The following ARFGAP1 variants were observed in gnomAD, a reference collection of about 807,000 sequenced individuals.
ARFGAP1 encodes ADP-ribosylation factor GTPase-activating protein 1.
Under a neutral mutation model 54.0 loss-of-function variants are expected in ARFGAP1, and 26 were observed. That is an observed-to-expected ratio of 0.48 (90% CI 0.35 to 0.67). The LOEUF (loss-of-function observed/expected upper bound fraction) is 0.67, where lower values mean the gene tolerates loss of function less well. Ranked by LOEUF, ARFGAP1 falls within the 30% of genes least tolerant of loss-of-function variation. ARFGAP1 has a pLI of 0.00. For missense variants in ARFGAP1, 525 were observed against 535.8 expected (o/e 0.98, Z 0.20); for synonymous variants, 248 against 211.9 (o/e 1.17, Z -1.48).
intron 10 of ARFGAP1, 43 bp from the exon 11 acceptor site, chr20:63,285,611 A>G (rs745547020): frequency 1.9e-6 from 3 of 1,599,758 alleles, no homozygotes; most frequent in Non-Finnish European, 2.6e-6. Context: ...TTAAGCTTTC[A>G]TCTCTCCCGC....
Position 63,276,362 on chromosome 20 carries a change from C to T in ARFGAP1, c.171-118C>T. The T allele has an allele frequency of 7.1e-7, 1 of 1,413,982 alleles. No homozygotes were observed. The highest frequency in any genetic ancestry group is 9.7e-7 in the Non-Finnish European group (1 of 1,026,546). 87.6% of individuals were successfully genotyped at this position (1,413,982 alleles called of 1,614,324 possible). The stretch of plus-strand genomic sequence containing the variant: ...CATGGCACAGAGTTCCAGCTGCTGG[C>T]CACTCAGCCTCCCTGCGGCTGCTGC... On this transcript the variant is annotated intron_variant, in intron 3 of 12. Coordinates refer to ENST00000370283, the MANE Select transcript of ARFGAP1 (RefSeq NM_018209.4). The surrounding 1 kb of genome is among the most constrained non-coding windows in gnomAD (Gnocchi z 5.2).
chr20:63,274,463 C>T (rs2067185361), intron 1 of ARFGAP1, among the ~76,000 whole-genome samples: 1 of 152,112 alleles, frequency 6.6e-6, no homozygotes. Flanking sequence ...CTCTTAAACA[C>T]AGTGAAGGAG....
At chr20:63,279,089 T>C in intron 7 of ARFGAP1, 94 bp downstream of exon 7, 6 of 1,245,798 alleles carry the variant, frequency 4.8e-6, no homozygotes, top group Non-Finnish European at 6.9e-6. Context: ...TCCTGGAACA[T>C]GTGCTCTTTG....
At chr20:63,278,686 T>A in intron 6 of ARFGAP1, 1 of 570,132 alleles carries the variant, frequency 1.8e-6, no homozygotes, top group Non-Finnish European at 3.1e-6. Context: ...GGGGACTTGC[T>A]GGGGACCCTG....
chr20:63,273,813 G>A (rs1207463953), intron 1 of ARFGAP1, among the ~76,000 whole-genome samples: 2 of 152,200 alleles, frequency 1.3e-5, no homozygotes, highest in African/African-American at 4.8e-5. Context: ...ACCAGGATTG[G>A]TCTCGTCCTG....
intron 9 of ARFGAP1, chr20:63,283,744 T>C: frequency 2.4e-6 from 3 of 1,247,202 alleles, no homozygotes; most frequent in South Asian, 1.3e-5. Flanking sequence ...TGCCCGGTGC[T>C]GCCTTAGTGT....
intron 1 of ARFGAP1, among the ~76,000 whole-genome samples, chr20:63,275,327 A>G (rs2067207391): frequency 6.6e-6 from 1 of 152,184 alleles, no homozygotes. Flanking sequence ...GGCAGCAGTA[A>G]TGATATGGTC....
In ARFGAP1 at chr20:63,284,542, GGCCT is replaced by G. The variant is rs558891823; in HGVS notation, c.718-323_718-320del. 84 of 1,211,560 alleles carry G rather than the reference GGCCT, an allele frequency of 6.9e-5. No homozygotes were observed. The East Asian group carries it at 3.6e-3, about 52-fold the overall frequency. The allele number at this position is 1,211,560 out of a possible 1,614,324, so 75.1% of individuals were successfully genotyped here. ...GCATGGGGTGGCTGCAGCCGGCGTT[GGCCT>G]CAGGCACAGGCTCCACAGGGCCTGT... On this transcript the variant is annotated intron_variant, in intron 9 of 12. Transcript: ENST00000370283.
chr20:63,279,910 G>A (rs1419072678), intron 7 of ARFGAP1, among the ~76,000 whole-genome samples: 2 of 152,184 alleles, frequency 1.3e-5, no homozygotes, highest in Non-Finnish European at 2.9e-5. Flanking sequence ...AGGCCAAGGC[G>A]GGCGGATCAC....
chr20:63,286,661 CT>C, intron 12 of ARFGAP1: 1 of 519,124 alleles, frequency 1.9e-6, no homozygotes, highest in Admixed American at 3.3e-5. Flanking sequence ...ACTGTGGAGG[CT>C]TTCCGAGTGC....
chr20:63,277,036 C>T (rs540500197), intron 4 of ARFGAP1, among the ~76,000 whole-genome samples, 169 bp from the exon 5 acceptor site: 17 of 152,310 alleles, frequency 1.1e-4, no homozygotes, highest in Non-Finnish European at 2.4e-4. Context: ...CCTGGCCTCG[C>T]ATCCACACCT....
At chr20:63,278,066 C>A in intron 5 of ARFGAP1, 51 bp from the exon 6 acceptor site, 1 of 1,573,674 alleles carries the variant, frequency 6.4e-7, no homozygotes, top group South Asian at 1.1e-5. Context: ...CTGGGGTTAC[C>A]TCAGACTTCA....
rs548453468 is a variant in ARFGAP1 at position 63,285,903 on chromosome 20, G to A, written c.834+190G>A. 1.4e-3 allele frequency: 2,039 copies of A among 1,446,570 alleles called. 7 individuals are homozygous for A. Among genetic ancestry groups the A allele is most frequent in the Non-Finnish European group, 1.7e-3 (1,808 of 1,080,806 alleles). The allele number at this position is 1,446,570 out of a possible 1,614,324, so 89.6% of individuals were successfully genotyped here. A position where few individuals can be genotyped will look rare whatever the true frequency, so the allele number is the denominator to read the frequency against. ...ATATGGAAACAACTTGGCCCACTGC[G>A]GCCCGGTCAGCCACTAACTGTCACT... is the stretch of plus-strand genomic sequence containing the variant. On this transcript the variant is annotated intron_variant, in intron 11 of 12. Coordinates refer to ENST00000370283, the MANE Select transcript of ARFGAP1 (RefSeq NM_018209.4).
rs765742036 is a variant in ARFGAP1, at chr20:63,275,598, C to T, written c.18C>T (p.Thr6=). ...GCAGCATCATGGCCAGCCCAAGAAC[C>T]AGGAAGGTTCTTAAAGAAGTCAGGG... MASPR[T]RKVLKEVRVQ... Residue 6 remains threonine (T), a synonymous_variant, in exon 2 of 13, where the codon ACC becomes ACT. Coordinates refer to ENST00000370283, the MANE Select transcript of ARFGAP1 (RefSeq NM_018209.4). 3 of 1,613,760 alleles carry T rather than the reference C, an allele frequency of 1.9e-6. No individual in the cohort carries two copies. In the Admixed American group the frequency reaches 5.0e-5, roughly 27 times the overall value.
At chr20:63,286,326 C>T (rs560378637) in intron 11 of ARFGAP1, 40 bp from the exon 12 acceptor site, 30 of 1,607,666 alleles carry the variant, frequency 1.9e-5, no homozygotes, top group Admixed American at 5.0e-5. Context: ...GCCTGTGCCG[C>T]GACAGGGCCT....
rs920940053 is a variant in ARFGAP1, at chr20:63,276,311, A to T, written c.170+111A>T. On this transcript the variant is annotated intron_variant, in intron 3 of 12. Coordinates refer to ENST00000370283, the MANE Select transcript of ARFGAP1 (RefSeq NM_018209.4). This position sits in a 1 kb window ranked among gnomAD's most constrained non-coding sequence, Gnocchi z 5.2. ...AAGCTTGGGGGCCACCTCCCATTGC[A>T]TTGCCAGTGTCCACTCTAGTGACGC... 1.2e-5 allele frequency: 17 copies of T among 1,397,494 alleles called. No individual in the cohort carries two copies. Among genetic ancestry groups the T allele is most frequent in the East Asian group, 9.3e-5 (4 of 42,916 alleles). 86.6% of individuals were successfully genotyped at this position (1,397,494 alleles called of 1,614,324 possible).
chr20:63,281,644 C>T (rs2067383033), intron 8 of ARFGAP1, among the ~76,000 whole-genome samples: 1 of 152,222 alleles, frequency 6.6e-6, no homozygotes, highest in South Asian at 2.1e-4. Context: ...GATTCCTAGA[C>T]TCCACCCTAT....
At chr20:63,279,521 CACAAAATGTGTGTATTTCAAATCTA>C (rs2067323491) in intron 7 of ARFGAP1, among the ~76,000 whole-genome samples, 1 of 152,164 alleles carries the variant, frequency 6.6e-6, no homozygotes, top group Admixed American at 6.5e-5. Flanking sequence ...TTACTTCTAA[CACAAAATGTGTGTATTTCAAATCTA>C]ACAACAGCCA....
chr20:63,273,743 A>G (rs1437827441), intron 1 of ARFGAP1, among the ~76,000 whole-genome samples: 1 of 152,196 alleles, frequency 6.6e-6, no homozygotes, highest in East Asian at 1.9e-4. Context: ...CTGTTGACCA[A>G]TACATAAGCC....
Sources: allele counts gnomAD v4.1 joint callset (sites outside exome capture counted in the v4.1 genomes callset), GRCh38; gene constraint gnomAD v4.1.1; non-coding constraint Gnocchi (gnomAD v3.1); transcripts MANE v1.5; gene names NCBI Gene and HGNC (gene_info 2026-07-23, HGNC 2026-07-21).